The following COL4A1 variants were observed in gnomAD, a reference collection of about 807,000 sequenced individuals.
COL4A1 encodes the protein collagen type IV alpha 1 chain, also known as collagen alpha-1(IV) chain.
In COL4A1, 40 loss-of-function variants were observed where a neutral mutation model predicts 216.6. That is an observed-to-expected ratio of 0.18 (90% CI 0.14 to 0.24). The LOEUF (loss-of-function observed/expected upper bound fraction) is 0.24, where lower values mean the gene tolerates loss of function less well. Among genes scored for constraint, COL4A1 ranks in the 10% least tolerant of loss-of-function variants. The pLI is 1.00. For synonymous variants in COL4A1, 839 were observed against 810.7 expected (o/e 1.03, Z -0.59); for missense variants, 1,628 against 2,196.8 (o/e 0.74, Z 5.18).
intron 20 of COL4A1, among the ~76,000 whole-genome samples, chr13:110,198,916 A>T (rs868853908): frequency 1.6e-4 from 24 of 152,358 alleles, no homozygotes; most frequent in African/African-American, 4.6e-4. Flanking sequence ...AACATATTTT[A>T]AAAAGGCTGT....
chr13:110,285,360 C>G (rs9588133), intron 1 of COL4A1, among the ~76,000 whole-genome samples: 1 of 152,188 alleles, frequency 6.6e-6, no homozygotes, highest in South Asian at 2.1e-4. Flanking sequence ...TCCGTGAATC[C>G]GTGAATACAG....
At chr13:110,152,645 C>G (rs988346562) in intron 50 of COL4A1, 139 bp from the exon 51 acceptor site, 1 of 1,074,958 alleles carries the variant, frequency 9.3e-7, no homozygotes, top group Non-Finnish European at 1.4e-6. Context: ...CCACAGGACA[C>G]ACTCTGTGCC....
At chr13:110,168,299 G>C (rs916058049) in intron 43 of COL4A1, among the ~76,000 whole-genome samples, 4 of 152,204 alleles carry the variant, frequency 2.6e-5, no homozygotes, top group African/African-American at 9.7e-5. Context: ...ACAGGCGTGA[G>C]CTACCAGGCC....
At chr13:110,156,019 G>A (rs1876770367) in intron 49 of COL4A1, among the ~76,000 whole-genome samples, 1 of 152,190 alleles carries the variant, frequency 6.6e-6, no homozygotes, top group Non-Finnish European at 1.5e-5. Flanking sequence ...GCTATGCTCG[G>A]CCTGCCTGTG....
chr13:110,239,796 T>A (rs925076718), intron 2 of COL4A1, among the ~76,000 whole-genome samples: 2 of 152,188 alleles, frequency 1.3e-5, no homozygotes, highest in Non-Finnish European at 2.9e-5. Context: ...TAGAGTACAT[T>A]TCTTTCTTAG....
rs1476758995 is a variant in COL4A1 at position 110,182,983 on chromosome 13, G to A, written c.2095+10C>T. The A allele has an allele frequency of 1.2e-6, 2 of 1,609,834 alleles. No homozygotes were observed. The highest frequency in any genetic ancestry group is 1.3e-5 in the African/African-American group (1 of 74,866). ...TGGACCAAAGGCTCGGGTCCGTCTG[G>A]CAGGGTTACCTTTGGGGCCGGGGGG... On this transcript the variant is annotated intron_variant, in intron 28 of 51. Coordinates refer to ENST00000375820, the MANE Select transcript of COL4A1 (RefSeq NM_001845.6).
At chr13:110,274,964 T>C (rs1355200629) in intron 1 of COL4A1, among the ~76,000 whole-genome samples, 2 of 152,204 alleles carry the variant, frequency 1.3e-5, no homozygotes, top group Non-Finnish European at 2.9e-5. Context: ...CAAAAATCCT[T>C]GCTCGCAGCC....
chr13:110,229,398 A>C (rs1880900703), intron 2 of COL4A1, among the ~76,000 whole-genome samples: 1 of 152,226 alleles, frequency 6.6e-6, no homozygotes, highest in Middle Eastern at 3.2e-3. Context: ...TCAACTTTAA[A>C]TCTGAATGAC....
intron 1 of COL4A1, among the ~76,000 whole-genome samples, 173 bp downstream of exon 1, chr13:110,306,771 G>A (rs976254431): frequency 6.6e-6 from 1 of 152,220 alleles, no homozygotes; most frequent in Non-Finnish European, 1.5e-5. Context: ...CCACCAATGC[G>A]CGATCGTAGC....
At chr13:110,280,043 A>C (rs551015088) in intron 1 of COL4A1, among the ~76,000 whole-genome samples, 86 of 152,244 alleles carry the variant, frequency 5.6e-4, no homozygotes, top group African/African-American at 1.9e-3. Flanking sequence ...ACCCTTCCTT[A>C]TGAATATTTT....
At chr13:110,198,078 G>GT (rs1555305317) in intron 21 of COL4A1, among the ~76,000 whole-genome samples, 21,092 of 141,856 alleles carry the variant, frequency 0.15, 1,922 homozygotes, top group Admixed American at 0.22. Context: ...TTGTTTCTGG[G>GT]GTGTGTGTGT....
intron 2 of COL4A1, among the ~76,000 whole-genome samples, chr13:110,218,840 C>T (rs189331424): frequency 6.6e-6 from 1 of 152,162 alleles, no homozygotes; most frequent in Non-Finnish European, 1.5e-5. Flanking sequence ...TACGAGCAGA[C>T]TGCAAATCAT....
rs114792640 is a variant in COL4A1 at position 110,211,001 on chromosome 13, C to T, written c.468+646G>A. Among the ~76,000 whole-genome samples the T allele has an allele frequency of 1.3e-3, 205 of 152,308 alleles. No individual in the cohort carries two copies. The highest frequency in any genetic ancestry group is 4.8e-3 in the African/African-American group (199 of 41,564). On this transcript the variant is annotated intron_variant, in intron 8 of 51. Coordinates refer to ENST00000375820, the MANE Select transcript of COL4A1 (RefSeq NM_001845.6). The surrounding 1 kb of genome is among the most constrained non-coding windows in gnomAD (Gnocchi z 4.3). ...CTCTCTCTGGCCACACACACACATGCTCCTGGTTCTGTGTCTCTGGAGCAT... is the reference window on the plus strand; with the variant it reads ...CTCTCTCTGGCCACACACACACATGTTCCTGGTTCTGTGTCTCTGGAGCAT...
At chr13:110,178,825 T>C (rs1878008490) in intron 31 of COL4A1, 98 bp downstream of exon 31, 2 of 870,280 alleles carry the variant, frequency 2.3e-6, no homozygotes, top group Non-Finnish European at 3.7e-6. Context: ...TCTCATACAT[T>C]GTGCTAAGCT....
intron 1 of COL4A1, among the ~76,000 whole-genome samples, chr13:110,282,638 A>G (rs1883679024): frequency 6.6e-6 from 1 of 152,194 alleles, no homozygotes; most frequent in Non-Finnish European, 1.5e-5. Flanking sequence ...GTGCTCTCAC[A>G]TAACTGTGTG....
intron 33 of COL4A1, 76 bp downstream of exon 33, chr13:110,177,766 T>C (rs542176778): frequency 1.2e-4 from 176 of 1,483,418 alleles, no homozygotes; most frequent in South Asian, 2.0e-4. Context: ...ATATGATCTA[T>C]GACAACTTGA....
intron 1 of COL4A1, among the ~76,000 whole-genome samples, chr13:110,246,913 C>T (rs1470194545): frequency 2.0e-5 from 3 of 151,990 alleles, no homozygotes; most frequent in African/African-American, 7.3e-5. Context: ...AAGTGGGTCA[C>T]GAAGGCAGTC....
chr13:110,153,011 G>GA (rs1383467522), intron 50 of COL4A1, among the ~76,000 whole-genome samples: 1 of 152,056 alleles, frequency 6.6e-6, no homozygotes, highest in Non-Finnish European at 1.5e-5. Context: ...AAGAGAAAGA[G>GA]AAAAAAATAG....
At chr13:110,287,337 T>C (rs1463020097) in intron 1 of COL4A1, among the ~76,000 whole-genome samples, 1 of 152,130 alleles carries the variant, frequency 6.6e-6, no homozygotes, top group Non-Finnish European at 1.5e-5. Context: ...CACTCAGATA[T>C]CTAGTCTAAA....
Sources: gnomAD v4.1 joint callset for allele counts (sites outside exome capture counted in the v4.1 genomes callset) on GRCh38, gnomAD v4.1.1 for gene constraint, Gnocchi (gnomAD v3.1) non-coding constraint, MANE v1.5 for transcripts, NCBI Gene and HGNC (gene_info 2026-07-23, HGNC 2026-07-21) for gene names.